ITPR2: variants seen among roughly 807,000 people sequenced by gnomAD.
ITPR2 encodes inositol 1,4,5-trisphosphate-gated calcium channel ITPR2.
A neutral mutation model predicts 317.1 loss-of-function variants in ITPR2; 207 were observed. The observed-to-expected ratio is 0.65, with a 90% CI of 0.58 to 0.73. ITPR2 has a LOEUF of 0.73. Ranked by LOEUF, ITPR2 falls within the 30% of genes least tolerant of loss-of-function variation. The pLI is 0.00. For missense variants in ITPR2, 2,613 were observed against 3,284.0 expected (o/e 0.80, Z 4.99); for synonymous variants, 1,156 against 1,149.1 (o/e 1.01, Z -0.12).
chr12:26,548,483 G>T (rs184377283), intron 37 of ITPR2, among the ~76,000 whole-genome samples: 4 of 152,144 alleles, frequency 2.6e-5, no homozygotes, highest in Non-Finnish European at 5.9e-5. Context: ...ACTAGCACAG[G>T]AATTGTATCC....
At chr12:26,663,653 G>T in intron 15 of ITPR2, 32 bp downstream of exon 15, 1 of 1,572,962 alleles carries the variant, frequency 6.4e-7, no homozygotes. Context: ...CTTTACATAT[G>T]AAACAGTTTA....
At chr12:26,421,257 G>C (rs910060365) in intron 49 of ITPR2, 1 of 152,096 alleles carries the variant, frequency 6.6e-6, no homozygotes, top group African/African-American at 2.4e-5. Flanking sequence ...TGCCTTCTTT[G>C]TTTTCAGGTT....
At chr12:26,594,152 T>TG (rs1272634504) in intron 32 of ITPR2, among the ~76,000 whole-genome samples, 2 of 152,150 alleles carry the variant, frequency 1.3e-5, no homozygotes, top group Admixed American at 6.5e-5. Flanking sequence ...AACAGGACGA[T>TG]TTCTCTACAG....
At chr12:26,626,763 T>A (rs2136820800) in intron 23 of ITPR2, among the ~76,000 whole-genome samples, 1 of 152,378 alleles carries the variant, frequency 6.6e-6, no homozygotes, top group South Asian at 2.1e-4. Context: ...ATGCTTGTAA[T>A]CACTGAATCA....
chr12:26,733,031 G>T (rs545368722), intron 2 of ITPR2, among the ~76,000 whole-genome samples: 2 of 152,110 alleles, frequency 1.3e-5, no homozygotes, highest in Admixed American at 6.6e-5. Flanking sequence ...AATACAGATG[G>T]TAAGAAAACC....
At chr12:26,829,885 C>G (rs1439090023) in intron 1 of ITPR2, among the ~76,000 whole-genome samples, 2 of 152,104 alleles carry the variant, frequency 1.3e-5, no homozygotes. Context: ...TCACCAATAG[C>G]AGCATTTCTT....
intron 2 of ITPR2, among the ~76,000 whole-genome samples, chr12:26,774,200 G>A (rs1362515338): frequency 6.6e-6 from 1 of 152,020 alleles, no homozygotes; most frequent in East Asian, 1.9e-4. Context: ...TAAAGGTGTA[G>A]AATTTAAGAC....
intron 2 of ITPR2, among the ~76,000 whole-genome samples, chr12:26,731,423 A>G (rs1351676): frequency 0.23 from 34,306 of 152,136 alleles, 4,040 homozygotes; most frequent in African/African-American, 0.26. Flanking sequence ...AACCTTCCCA[A>G]TGATAAAATG....
At chr12:26,595,745 GCTAACA>G (rs1945826144) in intron 31 of ITPR2, among the ~76,000 whole-genome samples, 155 bp from the exon 32 acceptor site, 1 of 152,052 alleles carries the variant, frequency 6.6e-6, no homozygotes, top group Admixed American at 6.6e-5. Flanking sequence ...CTCTTCTTTT[GCTAACA>G]GTCCACTGAC....
chr12:26,715,375 T>C lies in ITPR2; in HGVS notation c.779A>G (p.Gln260Arg), dbSNP rs768912888. Residue 260 changes from glutamine to arginine, a missense_variant, in exon 8 of 57, where the codon CAG becomes CGG. Physicochemically the swap from Gln to Arg is conservative, Grantham distance 43 (BLOSUM62 1). Transcript: ENST00000381340. ...CAAGGTCGTACGAAGGAAAATGTGC[T>C]GTTTTTTCTCATATTCATCACAAGT... ...FLTCDEYEKKQHIFLRTTLRQ... is the reference protein window; with the variant it reads ...FLTCDEYEKKRHIFLRTTLRQ... 3 of 1,613,668 alleles carry C rather than the reference T, an allele frequency of 1.9e-6. No homozygotes were observed. The highest frequency in any genetic ancestry group is 2.5e-6 in the Non-Finnish European group (3 of 1,179,646).
intron 9 of ITPR2, among the ~76,000 whole-genome samples, chr12:26,704,681 A>T (rs967352268): frequency 6.6e-6 from 1 of 152,190 alleles, no homozygotes; most frequent in African/African-American, 2.4e-5. Flanking sequence ...TATTTATTGC[A>T]TACCTCTCAT....
chr12:26,639,477 T>G (rs1255240098), intron 21 of ITPR2, among the ~76,000 whole-genome samples: 1 of 152,144 alleles, frequency 6.6e-6, no homozygotes, highest in East Asian at 1.9e-4. Flanking sequence ...ATTCTTTTTT[T>G]TTTAAATTAT....
chr12:26,606,063 A>G (rs1946122165), intron 26 of ITPR2, among the ~76,000 whole-genome samples: 1 of 152,208 alleles, frequency 6.6e-6, no homozygotes. Flanking sequence ...TTTACATTCT[A>G]TAAACTTTAG....
intron 51 of ITPR2, among the ~76,000 whole-genome samples, chr12:26,414,050 T>TACAC (rs777855580): frequency 0.31 from 43,354 of 137,684 alleles, 7,414 homozygotes; most frequent in Non-Finnish European, 0.4. Flanking sequence ...TGTATATATG[T>TACAC]ACACACACAC....
In ITPR2 at chr12:26,487,047, A is replaced by C. The variant is rs770755162; in HGVS notation, c.5554+21T>G. ...TCTTTTCTCTCACTCTGTTCTCCCA[A>C]ATACTCAAATACTTCTTTACCTCTC... On this transcript the variant is annotated intron_variant, in intron 40 of 56. Transcript: ENST00000381340. 4 of 1,600,470 alleles carry C rather than the reference A, an allele frequency of 2.5e-6. No individual in the cohort carries two copies. In the South Asian group the frequency reaches 4.4e-5, roughly 18 times the overall value.
intron 32 of ITPR2, among the ~76,000 whole-genome samples, chr12:26,589,853 TACAC>T (rs56044866): frequency 0.025 from 1,408 of 56,924 alleles, 34 homozygotes; most frequent in Non-Finnish European, 0.031. Context: ...TATATATATA[TACAC>T]ACACACACAC....
intron 51 of ITPR2, among the ~76,000 whole-genome samples, chr12:26,413,000 T>G (rs1236356666): frequency 1.3e-5 from 2 of 152,092 alleles, no homozygotes; most frequent in African/African-American, 2.4e-5. Context: ...CCAGCAGAAT[T>G]CTGGGTGAGT....
intron 21 of ITPR2, among the ~76,000 whole-genome samples, chr12:26,635,989 C>G (rs1036821282): frequency 3.3e-5 from 5 of 152,234 alleles, no homozygotes; most frequent in African/African-American, 9.6e-5. Flanking sequence ...CAAGATTAAA[C>G]AGCCAGAGAA....
At chr12:26,341,379 A>T (rs917962060) in intron 55 of ITPR2, among the ~76,000 whole-genome samples, 3 of 151,868 alleles carry the variant, frequency 2.0e-5, no homozygotes, top group East Asian at 3.9e-4. Context: ...GGCTACAACA[A>T]CCTCTGCCTG....
Sources: allele counts gnomAD v4.1 joint callset (sites outside exome capture counted in the v4.1 genomes callset), GRCh38; gene constraint gnomAD v4.1.1; transcripts MANE v1.5; gene names NCBI Gene and HGNC (gene_info 2026-07-23, HGNC 2026-07-21).